CCDC192: variants seen among roughly 807,000 people sequenced by gnomAD.
CCDC192 encodes coiled-coil domain containing 192, also known as coiled-coil domain-containing protein 192.
chr5:127,894,478 A>C (rs978509233), intron 6 of CCDC192, among the ~76,000 whole-genome samples: 6 of 152,168 alleles, frequency 3.9e-5, no homozygotes, highest in African/African-American at 1.2e-4. Flanking sequence ...CGCGTGAGCC[A>C]CCGCGCCTGG....
chr5:127,717,483 T>A (rs770012372), intron 2 of CCDC192, among the ~76,000 whole-genome samples: 1 of 152,088 alleles, frequency 6.6e-6, no homozygotes, highest in Admixed American at 6.6e-5. Context: ...AGTAATAGTA[T>A]CCTTGTAATT....
intron 5 of CCDC192, among the ~76,000 whole-genome samples, chr5:127,866,420 C>A (rs551051856): frequency 7.1e-4 from 106 of 149,634 alleles, no homozygotes; most frequent in African/African-American, 2.5e-3. Flanking sequence ...TAGGAAAAAA[C>A]TTAGCTTGAG....
chr5:127,781,604 A>G (rs1405372055), intron 3 of CCDC192, among the ~76,000 whole-genome samples: 1 of 147,560 alleles, frequency 6.8e-6, no homozygotes, highest in Non-Finnish European at 1.5e-5. Flanking sequence ...CAGCTATGGT[A>G]AAAGGGGTTG....
At chr5:127,775,204 A>C (rs1755787502) in intron 3 of CCDC192, among the ~76,000 whole-genome samples, 1 of 152,092 alleles carries the variant, frequency 6.6e-6, no homozygotes, top group Non-Finnish European at 1.5e-5. Context: ...CATTCCTTTC[A>C]TATGGAAAGT....
chr5:127,773,905 C>T (rs1755704576), intron 3 of CCDC192, among the ~76,000 whole-genome samples: 1 of 152,158 alleles, frequency 6.6e-6, no homozygotes, highest in African/African-American at 2.4e-5. Flanking sequence ...ATTATTTCTC[C>T]ATATCCTCAG....
At chr5:127,741,740 A>T (rs1266772435) in intron 2 of CCDC192, among the ~76,000 whole-genome samples, 1 of 152,236 alleles carries the variant, frequency 6.6e-6, no homozygotes, top group Non-Finnish European at 1.5e-5. Context: ...CATGCAAGAT[A>T]TCCATCTTTT....
At chr5:127,757,535 C>G (rs1372746796) in intron 3 of CCDC192, among the ~76,000 whole-genome samples, 2 of 151,940 alleles carry the variant, frequency 1.3e-5, no homozygotes, top group Admixed American at 6.6e-5. Flanking sequence ...ACTTTAAGAA[C>G]AGTCCTCTGT....
intron 5 of CCDC192, among the ~76,000 whole-genome samples, chr5:127,836,385 G>T (rs1270651260): frequency 6.6e-6 from 1 of 152,156 alleles, no homozygotes; most frequent in African/African-American, 2.4e-5. Flanking sequence ...GGTGCATGGT[G>T]CAAGCTGTCA....
rs114607115 is a variant in CCDC192 at position 127,845,405 on chromosome 5, A to T, written c.412-30133A>T. Among the ~76,000 whole-genome samples, 797 of 152,330 alleles carry T rather than the reference A, an allele frequency of 5.2e-3. 7 individuals carry two copies. Among genetic ancestry groups the T allele is most frequent in the African/African-American group, 0.018 (757 of 41,570 alleles). ...TTTGTATGAAAGGAAAGTCTTAAGC[A>T]TATTTATAGCTGTGAATAGTACTGA... On this transcript the variant is annotated intron_variant, in intron 5 of 6. Transcript: ENST00000514853.
rs370049780 is a variant in CCDC192 at position 127,932,149 on chromosome 5, G to A, written c.536-9033G>A. On this transcript the variant is annotated intron_variant, in intron 6 of 6. Coordinates refer to ENST00000514853, the MANE Select transcript of CCDC192 (RefSeq NM_001317938.2). ...AGCCTGGGCAACAGAGTGAGACTCC[G>A]TCTCAAAAAAAAAAAAAAAAAGTAA... Among the ~76,000 whole-genome samples the A allele has an allele frequency of 9.7e-3, 1,310 of 135,100 alleles. 10 individuals are homozygous for A. The highest frequency in any genetic ancestry group is 0.013 in the Non-Finnish European group (842 of 65,776). 88.6% of individuals were successfully genotyped at this position (135,100 alleles called of 152,430 possible). A position where few individuals can be genotyped will look rare whatever the true frequency, so the allele number is the denominator to read the frequency against.
chr5:127,796,889 TCTTG>T (rs1757194196), intron 3 of CCDC192, among the ~76,000 whole-genome samples: 1 of 152,248 alleles, frequency 6.6e-6, no homozygotes, highest in African/African-American at 2.4e-5. Context: ...CGATTTCATC[TCTTG>T]CTTAGAAAGA....
At chr5:127,735,039 T>C (rs2126824799) in intron 2 of CCDC192, among the ~76,000 whole-genome samples, 1 of 134,688 alleles carries the variant, frequency 7.4e-6, no homozygotes, top group East Asian at 2.1e-4. Context: ...TAGGTTTTCT[T>C]CTAGGGTTTT....
At chr5:127,746,502 C>CA (rs1461316773) in intron 2 of CCDC192, among the ~76,000 whole-genome samples, 9 of 152,086 alleles carry the variant, frequency 5.9e-5, no homozygotes, top group African/African-American at 2.2e-4. Flanking sequence ...CAGAGATTCT[C>CA]AATCTTTTAA....
chr5:127,726,463 C>G (rs373013008), intron 2 of CCDC192, among the ~76,000 whole-genome samples: 1 of 152,176 alleles, frequency 6.6e-6, no homozygotes, highest in Non-Finnish European at 1.5e-5. Context: ...TCTCTGGTAG[C>G]CCCAGTACAC....
At chr5:127,750,000 CTCTT>C (rs1247953352) in intron 2 of CCDC192, among the ~76,000 whole-genome samples, 4 of 151,774 alleles carry the variant, frequency 2.6e-5, no homozygotes, top group African/African-American at 9.7e-5. Context: ...TGATTCTTCT[CTCTT>C]TTTTTCTTTA....
chr5:127,726,865 C>T (rs963309115), intron 2 of CCDC192, among the ~76,000 whole-genome samples: 1 of 152,150 alleles, frequency 6.6e-6, no homozygotes, highest in African/African-American at 2.4e-5. Context: ...GGGATTCCTC[C>T]CACACAGTGC....
At chr5:127,733,371 C>A (rs916812186) in intron 2 of CCDC192, among the ~76,000 whole-genome samples, 2 of 152,096 alleles carry the variant, frequency 1.3e-5, no homozygotes, top group Non-Finnish European at 1.5e-5. Context: ...CCTGAATTAC[C>A]CCATTTCATC....
intron 5 of CCDC192, among the ~76,000 whole-genome samples, chr5:127,825,741 A>C (rs1749498433): frequency 6.6e-6 from 1 of 152,230 alleles, no homozygotes; most frequent in Non-Finnish European, 1.5e-5. Context: ...CTAGTTAAAT[A>C]GAAGATGAAT....
chr5:127,766,204 T>C (rs1755216379), intron 3 of CCDC192, among the ~76,000 whole-genome samples: 1 of 152,170 alleles, frequency 6.6e-6, no homozygotes, highest in South Asian at 2.1e-4. Flanking sequence ...GAGAGCAGTC[T>C]TGGTGTCAGT....
Sources: gnomAD v4.1 joint callset for allele counts (sites outside exome capture counted in the v4.1 genomes callset) on GRCh38, gnomAD v4.1.1 for gene constraint, MANE v1.5 for transcripts, NCBI Gene and HGNC (gene_info 2026-07-23, HGNC 2026-07-21) for gene names.